Variants in REV1 observed in about 807,000 individuals in gnomAD.
The protein encoded by REV1 is translesion synthesis protein REV1.
In REV1, 42 loss-of-function variants were observed where a neutral mutation model predicts 137.4. The ratio of observed to expected loss-of-function variants is 0.31; its 90% CI spans 0.24 to 0.40. The LOEUF (loss-of-function observed/expected upper bound fraction) is 0.40. REV1 is among the 10% of genes least tolerant of loss of function. The probability of loss-of-function intolerance (pLI) is 1.00; values close to 1 mark genes in which losing one functional copy is unlikely to be tolerated. For synonymous variants in REV1, 524 were observed against 519.2 expected (o/e 1.01, Z -0.12); for missense variants, 1,282 against 1,490.1 (o/e 0.86, Z 2.30).
chr2:99,404,488 T>G lies in REV1; in HGVS notation c.3001A>C (p.Ser1001Arg), dbSNP rs530712598. 62 of 1,614,068 alleles carry G rather than the reference T, an allele frequency of 3.8e-5. No individual in the cohort carries two copies. The highest frequency in any genetic ancestry group is 4.7e-5 in the Non-Finnish European group (55 of 1,180,036). Residue 1001 changes from serine (S) to arginine (R), a missense_variant, in exon 18 of 23, where the codon AGT becomes CGT. Coordinates refer to ENST00000258428, the MANE Select transcript of REV1 (RefSeq NM_016316.4). ...LQIPEPQESN[S>R]DAGINLIALP... Reference sequence around the variant, plus strand: ...GCTATTAAATTTATTCCTGCGTCACTGTTCGATTCTTGAGGTTCTGGTATT... The same window carrying G: ...GCTATTAAATTTATTCCTGCGTCACGGTTCGATTCTTGAGGTTCTGGTATT...
chr2:99,409,731 T>A (rs1456754568), intron 14 of REV1, among the ~76,000 whole-genome samples: 1 of 151,260 alleles, frequency 6.6e-6, no homozygotes, highest in East Asian at 2.0e-4. Context: ...TAATCCCAGC[T>A]ACCCAACAGG....
intron 14 of REV1, among the ~76,000 whole-genome samples, chr2:99,409,889 T>C (rs1362869221): frequency 7.8e-6 from 1 of 127,594 alleles, no homozygotes; most frequent in Non-Finnish European, 1.6e-5. Context: ...CGTTTTTAAA[T>C]GCTTTTACCA....
chr2:99,464,007 C>G (rs1684531865), intron 2 of REV1, among the ~76,000 whole-genome samples: 2 of 152,136 alleles, frequency 1.3e-5, no homozygotes, highest in African/African-American at 4.8e-5. Context: ...AATGAGGCAA[C>G]TGGATAAACC....
At chr2:99,450,512 A>C (rs1414146277) in intron 3 of REV1, among the ~76,000 whole-genome samples, 1 of 152,188 alleles carries the variant, frequency 6.6e-6, no homozygotes, top group Non-Finnish European at 1.5e-5. Flanking sequence ...CATTATGACA[A>C]TAATTAGGTG....
chr2:99,410,743 A>G lies in REV1; in HGVS notation c.2297T>C (p.Val766Ala). 1 of 1,609,018 alleles carries G rather than the reference A, an allele frequency of 6.2e-7. No homozygotes were observed. Reference sequence around the variant, plus strand: ...ATGGCCTCCAAATTTTGCAGTTTCTACAGGAGCCCCAGGCTTTCGTACCAT... The same window carrying G: ...ATGGCCTCCAAATTTTGCAGTTTCTGCAGGAGCCCCAGGCTTTCGTACCAT... The part of the protein sequence containing the change: ...KIMVRKPGAP[V>A]ETAKFGGHGI... Residue 766 changes from valine to alanine, a missense_variant, in exon 14 of 23, where the codon GTA (valine) becomes GCA (alanine). Physicochemically the swap from Val to Ala is moderately conservative, Grantham distance 64. Transcript: ENST00000258428.
At chr2:99,465,324 A>G (rs975166523) in intron 1 of REV1, among the ~76,000 whole-genome samples, 1 of 152,228 alleles carries the variant, frequency 6.6e-6, no homozygotes, top group Admixed American at 6.5e-5. Context: ...ACTTGTTACC[A>G]TTATATAAGA....
In REV1 at chr2:99,429,816, T is replaced by A. The variant is rs781233458; in HGVS notation, c.1547+24A>T. ...AATTAACCAAATTATTCATTAAGAA[T>A]TGTAACACACAACTTCTACATACCT... On this transcript the variant is annotated intron_variant, in intron 9 of 22. Transcript: ENST00000258428. The A allele has an allele frequency of 2.0e-5, 27 of 1,339,350 alleles. No individual in the cohort carries two copies. The African/African-American group carries it at 2.7e-4, about 13-fold the overall frequency. The allele number at this position is 1,339,350 out of a possible 1,614,324, so 83.0% of individuals were successfully genotyped here.
At chr2:99,416,624 G>A (rs1677898391) in intron 12 of REV1, among the ~76,000 whole-genome samples, 1 of 152,116 alleles carries the variant, frequency 6.6e-6, no homozygotes, top group Non-Finnish European at 1.5e-5. Flanking sequence ...CTTCACACTT[G>A]CCCTTCAAGA....
At chr2:99,480,916 C>T (rs1289649310) in intron 1 of REV1, among the ~76,000 whole-genome samples, 4 of 152,124 alleles carry the variant, frequency 2.6e-5, no homozygotes, top group Non-Finnish European at 5.9e-5. Flanking sequence ...AAGTCTTATT[C>T]AATGTAACAA....
intron 4 of REV1, among the ~76,000 whole-genome samples, chr2:99,447,432 A>G (rs1049916543): frequency 6.6e-6 from 1 of 152,174 alleles, no homozygotes; most frequent in Non-Finnish European, 1.5e-5. Context: ...GGCCTCCCAA[A>G]GTGCTGGGAT....
At chr2:99,434,492 T>TTTAA in intron 7 of REV1, 44 bp from the exon 8 acceptor site, 1 of 1,378,628 alleles carries the variant, frequency 7.3e-7, no homozygotes, top group Non-Finnish European at 9.8e-7. Context: ...GGTACAGGAA[T>TTTAA]GTTAACAACA....
At chr2:99,403,486 G>GT in intron 19 of REV1, 1 of 649,742 alleles carries the variant, frequency 1.5e-6, no homozygotes. Context: ...GTAAAAAGTG[G>GT]TGTGTTTAAA....
At chr2:99,439,500 T>A (rs1681201875) in intron 5 of REV1, among the ~76,000 whole-genome samples, 190 bp from the exon 6 acceptor site, 1 of 152,012 alleles carries the variant, frequency 6.6e-6, no homozygotes, top group Non-Finnish European at 1.5e-5. Flanking sequence ...TATATTCTGA[T>A]TTGACAAAAG....
At chr2:99,448,331 G>A (rs1008956064) in intron 4 of REV1, among the ~76,000 whole-genome samples, 2 of 152,042 alleles carry the variant, frequency 1.3e-5, no homozygotes, top group African/African-American at 4.8e-5. Flanking sequence ...TTATAAATCA[G>A]TAATTGCTCA....
intron 1 of REV1, among the ~76,000 whole-genome samples, chr2:99,484,173 A>G (rs925792823): frequency 2.6e-5 from 4 of 152,184 alleles, no homozygotes; most frequent in Non-Finnish European, 5.9e-5. Flanking sequence ...CAGCCAAATG[A>G]TGAGAACTCA....
At chr2:99,484,954 TATTA>T (rs1226499318) in intron 1 of REV1, among the ~76,000 whole-genome samples, 4 of 152,346 alleles carry the variant, frequency 2.6e-5, no homozygotes, top group Non-Finnish European at 4.4e-5. Flanking sequence ...TAGCTGTAGA[TATTA>T]ATTAAGACAC....
intron 13 of REV1, among the ~76,000 whole-genome samples, chr2:99,412,443 T>G (rs1244232051): frequency 6.6e-6 from 1 of 152,148 alleles, no homozygotes; most frequent in Non-Finnish European, 1.5e-5. Flanking sequence ...CTTTTTTATT[T>G]TTTCACTGTT....
intron 3 of REV1, among the ~76,000 whole-genome samples, chr2:99,456,914 G>A (rs1056226748): frequency 3.3e-5 from 5 of 152,162 alleles, no homozygotes; most frequent in African/African-American, 7.2e-5. Flanking sequence ...GAATATCAGG[G>A]TAATCTTGTT....
At chr2:99,470,973 T>C (rs1685345254) in intron 1 of REV1, among the ~76,000 whole-genome samples, 1 of 152,232 alleles carries the variant, frequency 6.6e-6, no homozygotes, top group African/African-American at 2.4e-5. Flanking sequence ...CCTATCTTTA[T>C]GTAATAGTTA....
Sources: allele counts gnomAD v4.1 joint callset (sites outside exome capture counted in the v4.1 genomes callset), GRCh38; gene constraint gnomAD v4.1.1; transcripts MANE v1.5; gene names NCBI Gene and HGNC (gene_info 2026-07-23, HGNC 2026-07-21).